The following USO1 variants were observed in gnomAD, a reference collection of about 807,000 sequenced individuals.
USO1 encodes the protein USO1 vesicle transport factor, also known as general vesicular transport factor p115.
In USO1, 57 loss-of-function variants were observed where a neutral mutation model predicts 124.5. That is an observed-to-expected ratio of 0.46 (90% CI 0.37 to 0.57). USO1 has a LOEUF of 0.57. USO1 is among the 20% of genes least tolerant of loss of function. The pLI is 0.00. For synonymous variants in USO1, 369 were observed against 362.8 expected (o/e 1.02, Z -0.19); for missense variants, 900 against 1,040.6 (o/e 0.86, Z 1.86).
At chr4:75,801,740 A>G (rs1253704337) in intron 17 of USO1, among the ~76,000 whole-genome samples, 1 of 152,196 alleles carries the variant, frequency 6.6e-6, no homozygotes, top group African/African-American at 2.4e-5. Flanking sequence ...CAGGTGTGGC[A>G]AGTAAAAGCA....
chr4:75,774,034 A>G (rs1424219846), intron 7 of USO1, among the ~76,000 whole-genome samples: 2 of 152,230 alleles, frequency 1.3e-5, no homozygotes, highest in South Asian at 4.1e-4. Context: ...TTTTTATTGA[A>G]TGATAAAGAT....
chr4:75,738,017 TAG>T (rs1285807820), intron 1 of USO1, among the ~76,000 whole-genome samples: 1 of 151,648 alleles, frequency 6.6e-6, no homozygotes, highest in Non-Finnish European at 1.5e-5. Flanking sequence ...GTATTTTTAG[TAG>T]AGACAGAGTT....
At chr4:75,786,861 C>G (rs1722375711) in intron 9 of USO1, among the ~76,000 whole-genome samples, 1 of 152,148 alleles carries the variant, frequency 6.6e-6, no homozygotes, top group African/African-American at 2.4e-5. Context: ...CTGAAGAAGA[C>G]AACCTTAAGT....
chr4:75,737,570 G>A (rs755847635), intron 1 of USO1, among the ~76,000 whole-genome samples: 77 of 152,144 alleles, frequency 5.1e-4, no homozygotes, highest in Non-Finnish European at 8.8e-4. Context: ...TGTTGCATGC[G>A]TGTAGTCCCA....
Position 75,774,678 on chromosome 4 carries a change from C to T in USO1, c.558C>T (p.Gly186=), listed in dbSNP as rs201391094. The change falls in exon 8 of 24, where the codon GGC becomes GGT. Residue 186 remains glycine (G), a splice_region_variant and synonymous_variant. Transcript: ENST00000514213. The stretch of plus-strand genomic sequence containing the variant: ...AACATTCTCTTTCTTCTCTATAGGG[C>T]GTCTTACTACTGCAGGCACTAACAA... The part of the protein sequence containing the change: ...ADSREVIRND[G]VLLLQALTRS... 182 of 1,610,928 alleles carry T rather than the reference C, an allele frequency of 1.1e-4. No homozygotes were observed. The East Asian group carries it at 3.0e-3, about 26-fold the overall frequency.
chr4:75,780,252 TA>T (rs1722180339), intron 8 of USO1, among the ~76,000 whole-genome samples: 1 of 152,232 alleles, frequency 6.6e-6, no homozygotes, highest in South Asian at 2.1e-4. Flanking sequence ...GATGGAGATG[TA>T]AAAAGAGAAT....
intron 1 of USO1, among the ~76,000 whole-genome samples, chr4:75,732,855 G>A (rs1307205590): frequency 8.8e-6 from 1 of 113,538 alleles, no homozygotes; most frequent in Non-Finnish European, 1.6e-5. Flanking sequence ...CTCCAGCCTG[G>A]CGACAGAGCG....
rs867188578 is a variant in USO1 at position 75,782,875 on chromosome 4, C to T, written c.855+17C>T. On this transcript the variant is annotated intron_variant, in intron 9 of 23. Coordinates refer to ENST00000514213, the MANE Select transcript of USO1 (RefSeq NM_003715.4). ...ATGCTACAGGTATACTATCCTTAGA[C>T]ATAAATGTGGTAAGAATTTTGACAG... is the stretch of plus-strand genomic sequence containing the variant. The T allele has an allele frequency of 2.6e-6, 4 of 1,545,062 alleles. No individual in the cohort carries two copies. Among genetic ancestry groups the T allele is most frequent in the Middle Eastern group, 3.7e-4 (2 of 5,432 alleles).
chr4:75,795,465 T>G (rs1722651902), intron 13 of USO1: 5 of 672,692 alleles, frequency 7.4e-6, no homozygotes. Context: ...TGAAGTTACA[T>G]TCTACTCACA....
At chr4:75,725,008 C>T (rs753380494) in intron 1 of USO1, 123 bp downstream of exon 1, 14 of 973,210 alleles carry the variant, frequency 1.4e-5, no homozygotes, top group Non-Finnish European at 2.2e-5. Flanking sequence ...CATGCCGCCT[C>T]CCCCTTTGCC....
At chr4:75,781,572 T>C (rs1722222135) in intron 8 of USO1, among the ~76,000 whole-genome samples, 1 of 152,196 alleles carries the variant, frequency 6.6e-6, no homozygotes, top group African/African-American at 2.4e-5. Flanking sequence ...ACTTAATAAA[T>C]TACATTATAG....
At chr4:75,810,372 G>A (rs1486051789) in intron 21 of USO1, 60 bp from the exon 22 acceptor site, 1 of 1,498,068 alleles carries the variant, frequency 6.7e-7, no homozygotes, top group African/African-American at 1.4e-5. Flanking sequence ...ATAACCCTTT[G>A]GGAGTTCATA....
At chr4:75,760,660 A>G (rs1721578732) in intron 4 of USO1, 1 of 397,478 alleles carries the variant, frequency 2.5e-6, no homozygotes, top group East Asian at 3.6e-5. Flanking sequence ...TTCTGATAAT[A>G]TAAAAGGACA....
chr4:75,773,028 G>A (rs1247108357), intron 7 of USO1, among the ~76,000 whole-genome samples: 1 of 152,090 alleles, frequency 6.6e-6, no homozygotes, highest in Non-Finnish European at 1.5e-5. Flanking sequence ...AACCTGGGAG[G>A]CGGAGGTTGC....
intron 8 of USO1, among the ~76,000 whole-genome samples, chr4:75,778,921 C>T (rs1014875097): frequency 4.6e-5 from 7 of 152,172 alleles, no homozygotes; most frequent in Non-Finnish European, 7.4e-5. Flanking sequence ...TTTTTACCAG[C>T]TGAAGGCTTG....
intron 11 of USO1, 65 bp downstream of exon 11, chr4:75,790,303 C>A: frequency 6.6e-7 from 1 of 1,519,874 alleles, no homozygotes; most frequent in Non-Finnish European, 8.8e-7. Context: ...TAATGTATCT[C>A]ATATACACAT....
At position 75,804,146 on chromosome 4, in the gene USO1, G is replaced by C. The variant is rs528917331; in HGVS notation, c.1999G>C (p.Glu667Gln). ...TTTTGTTTCACAGGATCTCCAACTTGAGGAATTAAGGCAGCAGGTTTCTAC... is the reference window on the plus strand; with the variant it reads ...TTTTGTTTCACAGGATCTCCAACTTCAGGAATTAAGGCAGCAGGTTTCTAC... ...NMIREQDLQL[E>Q]ELRQQVSTLK... Residue 667 changes from glutamate to glutamine, a missense_variant, in exon 18 of 24, where the codon GAG becomes CAG. Glu to Gln is a conservative substitution (Grantham distance 29, BLOSUM62 2). This residue lies in a region of USO1 where 362 missense variants were observed against 359.0 expected (regional missense o/e 1.01). Coordinates refer to ENST00000514213, the MANE Select transcript of USO1 (RefSeq NM_003715.4). 1 of 1,612,858 alleles carries C rather than the reference G, an allele frequency of 6.2e-7. No homozygotes were observed. The highest frequency in any genetic ancestry group is 1.3e-5 in the African/African-American group (1 of 74,972).
At chr4:75,732,212 G>A (rs1008971561) in intron 1 of USO1, among the ~76,000 whole-genome samples, 1 of 151,644 alleles carries the variant, frequency 6.6e-6, no homozygotes, top group East Asian at 1.9e-4. Flanking sequence ...CTTTAGGTCC[G>A]TGCTTACTCA....
intron 10 of USO1, among the ~76,000 whole-genome samples, chr4:75,789,551 A>C (rs1389562651): frequency 2.0e-5 from 3 of 152,186 alleles, no homozygotes; most frequent in Non-Finnish European, 4.4e-5. Flanking sequence ...CTGGGATTAC[A>C]AGCATGAGTC....
Sources: gnomAD v4.1 joint callset for allele counts (sites outside exome capture counted in the v4.1 genomes callset) on GRCh38, gnomAD v4.1.1 for gene constraint, gnomAD v4.1.1 regional missense constraint, MANE v1.5 for transcripts, NCBI Gene and HGNC (gene_info 2026-07-23, HGNC 2026-07-21) for gene names.